TOP3B: variants seen among roughly 807,000 people sequenced by gnomAD.
The protein encoded by TOP3B is DNA topoisomerase III beta, also known as DNA topoisomerase 3-beta-1.
A neutral mutation model predicts 93.9 loss-of-function variants in TOP3B; 45 were observed. The ratio of observed to expected loss-of-function variants is 0.48; its 90% CI spans 0.38 to 0.61. The LOEUF (loss-of-function observed/expected upper bound fraction) is 0.61. Ranked by LOEUF, TOP3B falls within the 20% of genes least tolerant of loss-of-function variation. The pLI is 0.00. For synonymous variants in TOP3B, 357 were observed against 472.6 expected (o/e 0.76, Z 3.17); for missense variants, 750 against 1,156.1 (o/e 0.65, Z 5.09).
At chr22:21,979,896 G>C (rs1020629808) in intron 1 of TOP3B, among the ~76,000 whole-genome samples, 5 of 143,334 alleles carry the variant, frequency 3.5e-5, no homozygotes, top group Non-Finnish European at 7.5e-5. Context: ...AGCCGAGATT[G>C]CGCCACTGCA....
Position 21,963,546 on chromosome 22 carries a change from G to C in TOP3B, c.1204+377C>G. On this transcript the variant is annotated intron_variant, in intron 11 of 17. Transcript: ENST00000357179. The surrounding 1 kb of genome is among the most constrained non-coding windows in gnomAD (Gnocchi z 4.8). ...CTCAGACTGTCCACAGGTGGCTCCTGTCTCTACCTGCACTGCTCTCCCTTC... is the reference window on the plus strand; with the variant it reads ...CTCAGACTGTCCACAGGTGGCTCCTCTCTCTACCTGCACTGCTCTCCCTTC... The C allele has an allele frequency of 3.9e-6, 1 of 259,388 alleles. No individual in the cohort carries two copies. Among genetic ancestry groups the C allele is most frequent in the Non-Finnish European group, 7.5e-6 (1 of 133,380 alleles). 16.1% of individuals were successfully genotyped at this position (259,388 alleles called of 1,614,324 possible).
At position 21,963,891 on chromosome 22, in the gene TOP3B, G is replaced by A. The variant is rs920110914; in HGVS notation, c.1204+32C>T. On this transcript the variant is annotated intron_variant, in intron 11 of 17. Coordinates refer to ENST00000357179, the MANE Select transcript of TOP3B (RefSeq NM_001282112.2). This position sits in a 1 kb window ranked among gnomAD's most constrained non-coding sequence, Gnocchi z 4.8. ...GTCGCAGCTCGCCCTTCCCTCCCTG[G>A]AAGCACACCGGGTATGGGATGAGAG... is the stretch of plus-strand genomic sequence containing the variant. The A allele has an allele frequency of 6.2e-7, 1 of 1,608,572 alleles. No homozygotes were observed. Among genetic ancestry groups the A allele is most frequent in the Non-Finnish European group, 8.5e-7 (1 of 1,176,418 alleles).
chr22:21,964,921 C>T, intron 9 of TOP3B: 1 of 187,480 alleles, frequency 5.3e-6, no homozygotes, highest in Non-Finnish European at 1.1e-5. Flanking sequence ...GCACCAATGC[C>T]TAGGGGCTGA....
In TOP3B at chr22:21,959,243, G is replaced by A. The variant is rs1302917853; in HGVS notation, c.1805-11C>T. On this transcript the variant is annotated splice_polypyrimidine_tract_variant and intron_variant, in intron 15 of 17. Coordinates refer to ENST00000357179, the MANE Select transcript of TOP3B (RefSeq NM_001282112.2). The stretch of plus-strand genomic sequence containing the variant: ...TCAACTCATCCATGCCTGCGGGCAA[G>A]CAGAGTGCAGGAGTCATCTCCCTCC... 5 of 1,611,196 alleles carry A rather than the reference G, an allele frequency of 3.1e-6. No homozygotes were observed. The highest frequency in any genetic ancestry group is 3.3e-4 in the Middle Eastern group (2 of 6,080).
intron 1 of TOP3B, among the ~76,000 whole-genome samples, chr22:21,979,154 A>G (rs1397273187): frequency 2.6e-5 from 4 of 151,768 alleles, no homozygotes; most frequent in African/African-American, 9.7e-5. Context: ...AGTAGGAGGG[A>G]GAGGGAGTGG....
At chr22:21,965,106 T>C (rs1261165328) in intron 9 of TOP3B, 179 bp downstream of exon 9, 1 of 427,360 alleles carries the variant, frequency 2.3e-6, no homozygotes, top group Non-Finnish European at 4.1e-6. Context: ...CATCAGGAGG[T>C]CCCCTCAGGT....
chr22:21,958,865 G>A, intron 16 of TOP3B, 172 bp from the exon 17 acceptor site: 1 of 1,212,434 alleles, frequency 8.2e-7, no homozygotes, highest in South Asian at 1.6e-5. Context: ...AGAAAAGGCA[G>A]TTCTAAAATC....
chr22:21,959,540 CAG>C (rs1353751402), intron 15 of TOP3B, 45 bp downstream of exon 15: 1 of 1,558,484 alleles, frequency 6.4e-7, no homozygotes, highest in Middle Eastern at 1.7e-4. Flanking sequence ...GCCTTGCTGA[CAG>C]AGAGACACCC....
At chr22:21,974,563 G>T in intron 2 of TOP3B, 75 bp from the exon 3 acceptor site, 1 of 1,473,712 alleles carries the variant, frequency 6.8e-7, no homozygotes, top group Non-Finnish European at 9.1e-7. Context: ...CAGCCCGGAT[G>T]CCACCTCCCA....
intron 7 of TOP3B, chr22:21,967,918 G>A: frequency 1.8e-6 from 1 of 556,918 alleles, no homozygotes; most frequent in South Asian, 2.1e-5. Context: ...CCCAAAACCA[G>A]GCAGCCAGTC....
chr22:21,964,061 C>A (rs1215853305), intron 10 of TOP3B, 33 bp from the exon 11 acceptor site: 3 of 1,599,750 alleles, frequency 1.9e-6, no homozygotes, highest in East Asian at 4.5e-5. Flanking sequence ...GAGTCTGTGG[C>A]TGGGCTCGGC....
At chr22:21,972,357 A>AC in intron 4 of TOP3B, 1 of 468,762 alleles carries the variant, frequency 2.1e-6, no homozygotes, top group East Asian at 3.4e-5. Context: ...AAGGAGAAAA[A>AC]CCCCCCGACC....
chr22:21,968,824 A>G, intron 6 of TOP3B, 49 bp from the exon 7 acceptor site: 1 of 1,604,282 alleles, frequency 6.2e-7, no homozygotes, highest in Non-Finnish European at 8.5e-7. Context: ...TCAAGACACT[A>G]TTATGGCCAC....
intron 17 of TOP3B, chr22:21,958,171 G>T: frequency 7.9e-7 from 1 of 1,270,654 alleles, no homozygotes; most frequent in South Asian, 1.5e-5. Flanking sequence ...CTGACTGGGG[G>T]TGCCCGCTCA....
Position 21,959,677 on chromosome 22 carries a change from C to T in TOP3B, c.1714G>A (p.Ala572Thr). ...SAVEKQLNLI[A>T]QGKADYRQVL... ...TGGCGGTAGTCGGCCTTGCCCTGGG[C>T]GATCAGGTTCAGCTGCTTCTCCACT... is the stretch of plus-strand genomic sequence containing the variant. Residue 572 changes from alanine to threonine, a missense_variant, in exon 15 of 18, where the codon GCC (alanine) becomes ACC (threonine). Coordinates refer to ENST00000357179, the MANE Select transcript of TOP3B (RefSeq NM_001282112.2). 2 of 1,613,662 alleles carry T rather than the reference C, an allele frequency of 1.2e-6. No individual in the cohort carries two copies. The highest frequency in any genetic ancestry group is 1.7e-6 in the Non-Finnish European group (2 of 1,179,926).
At chr22:21,972,479 C>A in intron 4 of TOP3B, 133 bp downstream of exon 4, 1 of 645,914 alleles carries the variant, frequency 1.5e-6, no homozygotes, top group Non-Finnish European at 2.6e-6. Context: ...CAGCAGGGGG[C>A]ACTCACAGAA....
At chr22:21,960,690 T>A (rs1001206518) in intron 13 of TOP3B, 16 of 533,728 alleles carry the variant, frequency 3.0e-5, no homozygotes, top group African/African-American at 2.7e-4. Context: ...TACTCCTGCT[T>A]TATGGCAGAG....
intron 13 of TOP3B, chr22:21,962,181 C>T (rs890421430): frequency 1.4e-6 from 2 of 1,436,122 alleles, no homozygotes; most frequent in East Asian, 2.6e-5. Flanking sequence ...GTGTGCACAC[C>T]CCACAGTGCA....
chr22:21,970,719 A>C lies in TOP3B; in HGVS notation c.385-313T>G. The C allele has an allele frequency of 5.3e-6, 2 of 380,308 alleles. No individual in the cohort carries two copies. Among genetic ancestry groups the C allele is most frequent in the African/African-American group, 2.0e-5 (1 of 49,404 alleles). 23.6% of individuals were successfully genotyped at this position (380,308 alleles called of 1,614,324 possible). On this transcript the variant is annotated intron_variant, in intron 5 of 17. Coordinates refer to ENST00000357179, the MANE Select transcript of TOP3B (RefSeq NM_001282112.2). This position sits in a 1 kb window ranked among gnomAD's most constrained non-coding sequence, Gnocchi z 4.4. ...TAATCCTCTGCTTTCATCCCCACCA[A>C]ATCAGGAAATGCTACTGCCAAGTAC...
Sources: allele counts gnomAD v4.1 joint callset (sites outside exome capture counted in the v4.1 genomes callset), GRCh38; gene constraint gnomAD v4.1.1; non-coding constraint Gnocchi (gnomAD v3.1); transcripts MANE v1.5; gene names NCBI Gene and HGNC (gene_info 2026-07-23, HGNC 2026-07-21).